Variants in INPP4B observed in about 807,000 individuals in gnomAD.
INPP4B encodes the protein inositol polyphosphate 4-phosphatase type II.
Under a neutral mutation model 122.5 loss-of-function variants are expected in INPP4B, and 55 were observed. The observed-to-expected ratio is 0.45, with a 90% CI of 0.36 to 0.56. INPP4B has a LOEUF of 0.56. Ranked by LOEUF, INPP4B falls within the 20% of genes least tolerant of loss-of-function variation. The pLI is 0.00. For synonymous variants in INPP4B, 403 were observed against 388.7 expected, an observed-to-expected ratio of 1.04 and a Z score of -0.43; for missense variants, 1,000 against 1,097.7, an observed-to-expected ratio of 0.91 and a Z score of 1.26.
intron 15 of INPP4B, among the ~76,000 whole-genome samples, chr4:142,180,986 C>CA (rs1406307610): frequency 6.6e-6 from 1 of 152,006 alleles, no homozygotes; most frequent in Admixed American, 6.5e-5. Context: ...TTAAGGAAAG[C>CA]AAAAAACCAG....
intron 1 of INPP4B, among the ~76,000 whole-genome samples, chr4:142,731,651 T>C (rs749915071): frequency 7.2e-5 from 11 of 152,230 alleles, no homozygotes; most frequent in Non-Finnish European, 1.5e-4. Context: ...AAACATGAAG[T>C]CTTCATTTCC....
In INPP4B at chr4:142,725,844, T is replaced by C; in HGVS notation, c.-196A>G. On this transcript the variant is annotated 5_prime_UTR_variant, in exon 2 of 26. Transcript: ENST00000262992. ...CAATTCAAAATAAGCATTACCTTTGTCTAATTTTTCATAAAAGACAGAAGA... is the reference window on the plus strand; with the variant it reads ...CAATTCAAAATAAGCATTACCTTTGCCTAATTTTTCATAAAAGACAGAAGA... The C allele has an allele frequency of 2.5e-6, 1 of 398,038 alleles. No homozygotes were observed. Among genetic ancestry groups the C allele is most frequent in the Admixed American group, 4.4e-5 (1 of 22,716 alleles). 24.7% of individuals were successfully genotyped at this position (398,038 alleles called of 1,614,324 possible).
intron 1 of INPP4B, among the ~76,000 whole-genome samples, chr4:142,836,598 A>C (rs571524902): frequency 1.3e-5 from 2 of 152,228 alleles, no homozygotes; most frequent in South Asian, 2.1e-4. Context: ...ACAACAACAA[A>C]AAAAGTGTTG....
chr4:142,243,690 A>G (rs1408967059), intron 11 of INPP4B, among the ~76,000 whole-genome samples: 1 of 152,192 alleles, frequency 6.6e-6, no homozygotes, highest in Non-Finnish European at 1.5e-5. Context: ...AAAAATAGGA[A>G]AAAATTTGGC....
intron 2 of INPP4B, among the ~76,000 whole-genome samples, chr4:142,508,477 G>A (rs574574538): frequency 1.1e-4 from 16 of 152,246 alleles, no homozygotes; most frequent in African/African-American, 3.6e-4. Flanking sequence ...TTTTCACCAT[G>A]TTGGCCAGGC....
At chr4:142,218,934 A>G (rs1003791982) in intron 12 of INPP4B, among the ~76,000 whole-genome samples, 1 of 152,200 alleles carries the variant, frequency 6.6e-6, no homozygotes, top group African/African-American at 2.4e-5. Context: ...AAACTGAGCA[A>G]AGTTCAACTG....
chr4:142,479,497 A>G (rs948903458), intron 2 of INPP4B, among the ~76,000 whole-genome samples: 1 of 152,202 alleles, frequency 6.6e-6, no homozygotes. Context: ...TCTACGATAA[A>G]CACACATGCA....
At chr4:142,121,043 G>A (rs1403447153) in intron 21 of INPP4B, among the ~76,000 whole-genome samples, 1 of 152,002 alleles carries the variant, frequency 6.6e-6, no homozygotes, top group African/African-American at 2.4e-5. Flanking sequence ...TAAATGGCCT[G>A]GTAAGCTTCC....
chr4:142,073,464 C>T (rs574427437), intron 25 of INPP4B, among the ~76,000 whole-genome samples: 1 of 152,186 alleles, frequency 6.6e-6, no homozygotes, highest in South Asian at 2.1e-4. Flanking sequence ...TTCCCTTGAA[C>T]CAGTGTCTAG....
At chr4:142,612,753 C>T (rs149038539) in intron 2 of INPP4B, among the ~76,000 whole-genome samples, 1 of 152,202 alleles carries the variant, frequency 6.6e-6, no homozygotes, top group Non-Finnish European at 1.5e-5. Context: ...ACCCTCATGA[C>T]CTAATCATCT....
intron 1 of INPP4B, among the ~76,000 whole-genome samples, chr4:142,839,569 T>A (rs1245089738): frequency 6.6e-6 from 1 of 152,248 alleles, no homozygotes; most frequent in African/African-American, 2.4e-5. Flanking sequence ...GTTTTTACTA[T>A]AGTAATTATT....
chr4:142,835,806 T>C (rs28528305), intron 1 of INPP4B, among the ~76,000 whole-genome samples: 1,781 of 152,326 alleles, frequency 0.012, 38 homozygotes, highest in African/African-American at 0.04. Context: ...CTTAGGTTAA[T>C]GTAAATAAAA....
chr4:142,678,834 TGTG>T (rs1758176760), intron 2 of INPP4B, among the ~76,000 whole-genome samples: 1 of 151,872 alleles, frequency 6.6e-6, no homozygotes, highest in Non-Finnish European at 1.5e-5. Flanking sequence ...AAACATTTGT[TGTG>T]GTGTTTTTTT....
At chr4:142,647,491 T>A (rs1752031291) in intron 2 of INPP4B, among the ~76,000 whole-genome samples, 1 of 152,288 alleles carries the variant, frequency 6.6e-6, no homozygotes, top group East Asian at 1.9e-4. Flanking sequence ...CTTGAGGGGA[T>A]GGAAGACAAT....
chr4:142,300,035 T>C (rs1579654471), intron 9 of INPP4B, among the ~76,000 whole-genome samples: 1 of 152,312 alleles, frequency 6.6e-6, no homozygotes, highest in East Asian at 1.9e-4. Flanking sequence ...CAAAAAAGTG[T>C]AGGAATAGAA....
intron 9 of INPP4B, among the ~76,000 whole-genome samples, chr4:142,297,767 G>A (rs1759418777): frequency 6.6e-6 from 1 of 152,136 alleles, no homozygotes. Flanking sequence ...GTTTAGAGAA[G>A]GTAGCTGTCA....
chr4:142,406,712 G>A (rs986810425), intron 5 of INPP4B, among the ~76,000 whole-genome samples: 6 of 152,256 alleles, frequency 3.9e-5, no homozygotes, highest in East Asian at 3.9e-4. Context: ...AGTAACAGAA[G>A]AGAGCTTATG....
chr4:142,198,132 C>T (rs1839130536), intron 14 of INPP4B, among the ~76,000 whole-genome samples: 1 of 45,700 alleles, frequency 2.2e-5, no homozygotes, highest in Non-Finnish European at 4.2e-5. Flanking sequence ...CAAAAGCTTG[C>T]AATTTATAAA....
chr4:142,333,934 T>C (rs1775634166), intron 7 of INPP4B, among the ~76,000 whole-genome samples: 1 of 152,172 alleles, frequency 6.6e-6, no homozygotes, highest in Non-Finnish European at 1.5e-5. Context: ...ATAGTATTGT[T>C]AGCTATTTTC....
Sources: allele counts gnomAD v4.1 joint callset (sites outside exome capture counted in the v4.1 genomes callset), GRCh38; gene constraint gnomAD v4.1.1; transcripts MANE v1.5; gene names NCBI Gene and HGNC (gene_info 2026-07-23, HGNC 2026-07-21).